FBXL17: variants seen among roughly 807,000 people sequenced by gnomAD.
FBXL17 encodes F-box and leucine rich repeat protein 17, also known as F-box/LRR-repeat protein 17.
In FBXL17, 22 loss-of-function variants were observed where a neutral mutation model predicts 66.2. The observed-to-expected ratio is 0.33, with a 90% CI of 0.24 to 0.47. The LOEUF (loss-of-function observed/expected upper bound fraction) is 0.47. Among genes scored for constraint, FBXL17 ranks in the 20% least tolerant of loss-of-function variants. The probability of loss-of-function intolerance (pLI) is 1.00; values close to 1 mark genes in which losing one functional copy is unlikely to be tolerated. For missense variants in FBXL17, 878 were observed against 948.2 expected, an observed-to-expected ratio of 0.93 and a Z score of 0.97; for synonymous variants, 474 against 400.5, an observed-to-expected ratio of 1.18 and a Z score of -2.19.
chr5:107,930,974 T>C lies in FBXL17; in HGVS notation c.1823-49795A>G, dbSNP rs116792687. 7.6e-3 allele frequency among the ~76,000 whole-genome samples: 854 copies of C among 113,092 alleles called. 9 individuals are homozygous for C. The highest frequency in any genetic ancestry group is 0.03 in the African/African-American group (825 of 27,618). The allele number at this position is 113,092 out of a possible 152,430, so 74.2% of individuals were successfully genotyped here. A position where few individuals can be genotyped will look rare whatever the true frequency, so the allele number is the denominator to read the frequency against. On this transcript the variant is annotated intron_variant, in intron 7 of 8. Coordinates refer to ENST00000542267, the MANE Select transcript of FBXL17 (RefSeq NM_001163315.3). ...CTATTTACCATTTTGAAGTACTGGATAAAAAGTAAATAAAGACATTTTTTT... is the reference window on the plus strand; with the variant it reads ...CTATTTACCATTTTGAAGTACTGGACAAAAAGTAAATAAAGACATTTTTTT...
At chr5:108,175,435 G>A (rs1320125443) in intron 6 of FBXL17, among the ~76,000 whole-genome samples, 3 of 152,150 alleles carry the variant, frequency 2.0e-5, no homozygotes, top group Non-Finnish European at 4.4e-5. Flanking sequence ...TCTTTAAATG[G>A]AATTCATATT....
chr5:108,325,439 C>CA (rs1467097831), intron 4 of FBXL17, among the ~76,000 whole-genome samples: 4 of 151,280 alleles, frequency 2.6e-5, no homozygotes, highest in Non-Finnish European at 4.4e-5. Context: ...GTAAGTTGGG[C>CA]AAAAATTTGA....
chr5:107,922,171 G>T (rs1287542240), intron 7 of FBXL17, among the ~76,000 whole-genome samples: 1 of 152,190 alleles, frequency 6.6e-6, no homozygotes, highest in Non-Finnish European at 1.5e-5. Context: ...TTTGCAATGT[G>T]TGCTCTAATG....
At chr5:108,328,010 C>T (rs915294662) in intron 4 of FBXL17, among the ~76,000 whole-genome samples, 1 of 152,064 alleles carries the variant, frequency 6.6e-6, no homozygotes, top group Non-Finnish European at 1.5e-5. Flanking sequence ...TAAGAAGGAA[C>T]CTGCAATTTG....
At chr5:107,919,368 G>A (rs1190255848) in intron 7 of FBXL17, among the ~76,000 whole-genome samples, 2 of 152,058 alleles carry the variant, frequency 1.3e-5, no homozygotes, top group East Asian at 1.9e-4. Flanking sequence ...CTGATGGATC[G>A]CAACAGCTTC....
intron 6 of FBXL17, among the ~76,000 whole-genome samples, chr5:108,094,492 C>T (rs897251072): frequency 1.3e-5 from 2 of 152,042 alleles, no homozygotes; most frequent in African/African-American, 4.8e-5. Context: ...ATATTCACAT[C>T]CATTCCATCT....
chr5:108,143,347 T>TCACACACA (rs67696841), intron 6 of FBXL17, among the ~76,000 whole-genome samples: 1,766 of 147,774 alleles, frequency 0.012, 26 homozygotes, highest in African/African-American at 0.042. Flanking sequence ...AACAGCATTC[T>TCACACACA]CACACACACA....
chr5:108,228,094 G>A (rs1050394114), intron 4 of FBXL17, among the ~76,000 whole-genome samples: 1 of 152,098 alleles, frequency 6.6e-6, no homozygotes, highest in Non-Finnish European at 1.5e-5. Context: ...GTGCTTCTTG[G>A]GTCTTTCTCT....
At chr5:108,095,627 G>A (rs1446339197) in intron 6 of FBXL17, among the ~76,000 whole-genome samples, 1 of 151,846 alleles carries the variant, frequency 6.6e-6, no homozygotes. Context: ...AACAATATTT[G>A]GTGTATTAGG....
intron 1 of FBXL17, among the ~76,000 whole-genome samples, chr5:108,374,160 GAACAAGTA>G (rs1184469771): frequency 6.6e-6 from 1 of 152,150 alleles, no homozygotes; most frequent in Non-Finnish European, 1.5e-5. Flanking sequence ...GACAAGAGAT[GAACAAGTA>G]AACTGAACAC....
Position 107,861,881 on chromosome 5 carries a change from C to A in FBXL17, c.1966-21G>T, listed in dbSNP as rs549692367. 4 of 1,486,128 alleles carry A rather than the reference C, an allele frequency of 2.7e-6. No individual in the cohort carries two copies. The Admixed American group carries it at 6.1e-5, about 23-fold the overall frequency. The allele number at this position is 1,486,128 out of a possible 1,614,324, so 92.1% of individuals were successfully genotyped here. On this transcript the variant is annotated intron_variant, in intron 8 of 8. Coordinates refer to ENST00000542267, the MANE Select transcript of FBXL17 (RefSeq NM_001163315.3). Reference sequence around the variant, plus strand: ...TTGACCTGCAAACAAAGAAGAGTCACCATCACGCACAGAGACCACCAACAC... The same window carrying A: ...TTGACCTGCAAACAAAGAAGAGTCAACATCACGCACAGAGACCACCAACAC...
intron 7 of FBXL17, 30 bp from the exon 8 acceptor site, chr5:107,881,209 A>G: frequency 7.1e-7 from 1 of 1,405,030 alleles, no homozygotes; most frequent in East Asian, 2.3e-5. Flanking sequence ...GAAAGCATTA[A>G]TGTTAGCAGT....
At chr5:108,346,131 A>C in intron 4 of FBXL17, among the ~76,000 whole-genome samples, 1 of 152,132 alleles carries the variant, frequency 6.6e-6, no homozygotes, top group East Asian at 1.9e-4. Context: ...AAGTATTTAA[A>C]TATTTCTCTT....
chr5:108,147,794 C>T (rs1204167762), intron 6 of FBXL17, among the ~76,000 whole-genome samples: 1 of 151,804 alleles, frequency 6.6e-6, no homozygotes, highest in Admixed American at 6.6e-5. Flanking sequence ...GATATTAAAA[C>T]CTGCCAGAAA....
At chr5:108,166,316 G>A (rs1752414052) in intron 6 of FBXL17, among the ~76,000 whole-genome samples, 1 of 152,182 alleles carries the variant, frequency 6.6e-6, no homozygotes, top group Non-Finnish European at 1.5e-5. Flanking sequence ...ATAAGCACCT[G>A]CCGGTGTCTT....
intron 6 of FBXL17, among the ~76,000 whole-genome samples, chr5:108,156,121 T>C (rs1296866933): frequency 2.0e-5 from 3 of 152,116 alleles, no homozygotes; most frequent in South Asian, 2.1e-4. Context: ...ATAACCCTAA[T>C]AGGGAATTAT....
intron 4 of FBXL17, among the ~76,000 whole-genome samples, chr5:108,317,651 A>T (rs1028692005): frequency 2.0e-5 from 3 of 151,424 alleles, no homozygotes; most frequent in African/African-American, 4.8e-5. Context: ...ATAAAAAAAA[A>T]TTTCAAACAT....
chr5:108,129,465 A>G (rs1750843024), intron 6 of FBXL17, among the ~76,000 whole-genome samples: 1 of 152,088 alleles, frequency 6.6e-6, no homozygotes, highest in South Asian at 2.1e-4. Flanking sequence ...CACAGGTATG[A>G]AATTGTCTAA....
At chr5:107,952,563 T>C (rs1282213880) in intron 7 of FBXL17, among the ~76,000 whole-genome samples, 2 of 152,252 alleles carry the variant, frequency 1.3e-5, no homozygotes, top group East Asian at 3.8e-4. Flanking sequence ...ATGTTACATT[T>C]TGAACGCACA....
Sources: gnomAD v4.1 joint callset for allele counts (sites outside exome capture counted in the v4.1 genomes callset) on GRCh38, gnomAD v4.1.1 for gene constraint, MANE v1.5 for transcripts, NCBI Gene and HGNC (gene_info 2026-07-23, HGNC 2026-07-21) for gene names.